The following PCDHA2 variants were observed in gnomAD, a reference collection of about 807,000 sequenced individuals.
PCDHA2 encodes protocadherin alpha 2, also known as protocadherin alpha-2.
Under a neutral mutation model 66.0 loss-of-function variants are expected in PCDHA2, and 58 were observed. That is an observed-to-expected ratio of 0.88 (90% CI 0.71 to 1.09). PCDHA2 has a LOEUF of 1.09. PCDHA2 is among the 50% of genes least tolerant of loss of function. The probability of loss-of-function intolerance (pLI) is 0.00; values close to 1 mark genes in which losing one functional copy is unlikely to be tolerated. For missense variants in PCDHA2, 1,267 were observed against 1,242.3 expected (o/e 1.02, Z -0.30); for synonymous variants, 634 against 554.0 (o/e 1.14, Z -2.03).
intron 1 of PCDHA2, among the ~76,000 whole-genome samples, chr5:140,922,731 T>A (rs59295733): frequency 0.057 from 8,631 of 152,032 alleles, 722 homozygotes; most frequent in African/African-American, 0.19. Flanking sequence ...CTTGACAAGG[T>A]TGAGAAAAAT....
At chr5:140,817,887 CA>C (rs1647110871) in intron 1 of PCDHA2, among the ~76,000 whole-genome samples, 1 of 152,074 alleles carries the variant, frequency 6.6e-6, no homozygotes, top group Non-Finnish European at 1.5e-5. Context: ...TTATTTTTGC[CA>C]GCACTTTTAA....
At position 140,843,005 on chromosome 5, in the gene PCDHA2, G is replaced by C; in HGVS notation, c.2388+45653G>C. On this transcript the variant is annotated intron_variant, in intron 1 of 3. Transcript: ENST00000526136. ...GTTCGTGCTGGACGAGAATGACAAC[G>C]CGCCGGCACTGCTGGAGCCTCGGGT... The C allele has an allele frequency of 5.0e-6, 8 of 1,595,030 alleles. 1 individual carries two copies. The highest frequency in any genetic ancestry group is 1.1e-5 in the South Asian group (1 of 90,516).
chr5:140,823,878 C>G (rs142924665), intron 1 of PCDHA2: 3 of 1,613,924 alleles, frequency 1.9e-6, no homozygotes, highest in Non-Finnish European at 2.5e-6. Context: ...ACCTGATCAT[C>G]GCCATCTGTG....
intron 1 of PCDHA2, chr5:140,877,758 G>A (rs782480713): frequency 1.2e-6 from 2 of 1,614,190 alleles, no homozygotes; most frequent in Non-Finnish European, 1.7e-6. Flanking sequence ...GCTCTGCAGA[G>A]AGCCCGCCCA....
rs75651963 is a variant in PCDHA2, at chr5:140,798,768, C to T, written c.2388+1416C>T. 1.7e-3 allele frequency among the ~76,000 whole-genome samples: 263 copies of T among 152,250 alleles called. 1 individual carries two copies. The highest frequency in any genetic ancestry group is 6.8e-3 in the Middle Eastern group (2 of 294). Reference sequence around the variant, plus strand: ...TTTTGGGTAATTATAACACTGAACTCGACAAGTAAATGTTACACTTGGAAA... The same window carrying T: ...TTTTGGGTAATTATAACACTGAACTTGACAAGTAAATGTTACACTTGGAAA... On this transcript the variant is annotated intron_variant, in intron 1 of 3. Coordinates refer to ENST00000526136, the MANE Select transcript of PCDHA2 (RefSeq NM_018905.3).
chr5:140,805,806 A>C (rs1763633880), intron 1 of PCDHA2, among the ~76,000 whole-genome samples: 1 of 152,180 alleles, frequency 6.6e-6, no homozygotes, highest in Non-Finnish European at 1.5e-5. Flanking sequence ...AGAAAATCAT[A>C]GAGGCTATTG....
chr5:140,862,460 A>G (rs1554156366), intron 1 of PCDHA2: 2 of 368,076 alleles, frequency 5.4e-6, no homozygotes, highest in African/African-American at 2.1e-5. Context: ...CCCTGGACCA[A>G]GAGAGCAAAT....
At chr5:140,802,262 A>G (rs782016322) in intron 1 of PCDHA2, 1 of 1,614,236 alleles carries the variant, frequency 6.2e-7, no homozygotes, top group Non-Finnish European at 8.5e-7. Context: ...TTCAATCACT[A>G]TCTTTACCTG....
chr5:141,010,260 C>T lies in PCDHA2; in HGVS notation c.*323C>T, dbSNP rs906685521. The stretch of plus-strand genomic sequence containing the variant: ...GAGAGGTTGGACTCTCTGCCCTGTG[C>T]TCCGGGGATCCTGTCTTGATGACAC... On this transcript the variant is annotated 3_prime_UTR_variant, in exon 4 of 4. Transcript: ENST00000526136. 6.4e-7 allele frequency: 1 copy of T among 1,551,674 alleles called. No individual in the cohort carries two copies. The highest frequency in any genetic ancestry group is 1.4e-5 in the African/African-American group (1 of 73,028).
chr5:140,823,320 G>C, intron 1 of PCDHA2: 1 of 1,612,290 alleles, frequency 6.2e-7, no homozygotes, highest in Non-Finnish European at 8.5e-7. Flanking sequence ...AGAGCGGCAA[G>C]GTGTACGCGC....
At position 140,796,254 on chromosome 5, in the gene PCDHA2, G is replaced by A. The variant is rs782818111; in HGVS notation, c.1290G>A (p.Gly430=). The A allele has an allele frequency of 2.5e-6, 4 of 1,614,136 alleles. No individual in the cohort carries two copies. The South Asian group carries it at 3.3e-5, about 13-fold the overall frequency. The change falls in exon 1 of 4, where the codon GGG becomes GGA. Residue 430 remains glycine, a synonymous_variant. Coordinates refer to ENST00000526136, the MANE Select transcript of PCDHA2 (RefSeq NM_018905.3). ...AYELVVTARD[G]GSPSLWATTS... is the part of the protein sequence containing the mutation. The stretch of plus-strand genomic sequence containing the variant: ...AGCTGGTGGTGACCGCACGGGACGG[G>A]GGCTCGCCTTCACTGTGGGCCACCA...
intron 1 of PCDHA2, among the ~76,000 whole-genome samples, chr5:140,806,461 C>T (rs1240321144): frequency 6.6e-6 from 1 of 152,166 alleles, no homozygotes; most frequent in Non-Finnish European, 1.5e-5. Context: ...GCTATAACTT[C>T]CTGCTTCCTT....
chr5:140,877,326 G>T (rs781931363), intron 1 of PCDHA2: 1 of 1,613,964 alleles, frequency 6.2e-7, no homozygotes, highest in East Asian at 2.2e-5. Flanking sequence ...CGGTCGGCGC[G>T]CACATCCCGT....
chr5:140,966,427 C>T (rs2096001144), intron 1 of PCDHA2: 1 of 421,646 alleles, frequency 2.4e-6, no homozygotes, highest in African/African-American at 2.1e-5. Context: ...CTTGCTGAGC[C>T]CTCCTACCGC....
intron 1 of PCDHA2, among the ~76,000 whole-genome samples, chr5:140,964,743 T>C (rs1373954630): frequency 6.7e-6 from 1 of 150,048 alleles, no homozygotes; most frequent in Non-Finnish European, 1.5e-5. Flanking sequence ...ACAGAATTAT[T>C]GTAGGGATGT....
intron 1 of PCDHA2, among the ~76,000 whole-genome samples, chr5:140,945,159 A>G (rs1341706509): frequency 2.0e-5 from 3 of 152,178 alleles, no homozygotes; most frequent in Non-Finnish European, 4.4e-5. Flanking sequence ...TACACTATTG[A>G]ACTATCTGAA....
chr5:140,887,624 GT>G (rs1369272233), intron 1 of PCDHA2, among the ~76,000 whole-genome samples: 1 of 151,558 alleles, frequency 6.6e-6, no homozygotes, highest in Non-Finnish European at 1.5e-5. Flanking sequence ...TTTTCTTTAT[GT>G]TAGTCTGTTG....
At chr5:140,867,350 T>C (rs1357404505) in intron 1 of PCDHA2, 1 of 152,128 alleles carries the variant, frequency 6.6e-6, no homozygotes, top group African/African-American at 2.4e-5. Flanking sequence ...GCTACTATGA[T>C]TGATTATTTT....
At chr5:140,929,217 C>T (rs1183459158) in intron 1 of PCDHA2, 1 of 1,614,016 alleles carries the variant, frequency 6.2e-7, no homozygotes, top group Non-Finnish European at 8.5e-7. Flanking sequence ...GTGGGGAGTA[C>T]AATGCTGCCG....
Sources: allele counts gnomAD v4.1 joint callset (sites outside exome capture counted in the v4.1 genomes callset), GRCh38; gene constraint gnomAD v4.1.1; transcripts MANE v1.5; gene names NCBI Gene and HGNC (gene_info 2026-07-23, HGNC 2026-07-21).